Variants in DLGAP2 observed in about 807,000 individuals in gnomAD.
DLGAP2 encodes the protein DLG associated protein 2.
In DLGAP2, 26 loss-of-function variants were observed where a neutral mutation model predicts 100.3. The observed-to-expected ratio is 0.26, with a 90% CI of 0.19 to 0.36. The LOEUF is 0.36. DLGAP2 is among the 10% of genes least tolerant of loss of function. The probability of loss-of-function intolerance (pLI) is 1.00; values close to 1 mark genes in which losing one functional copy is unlikely to be tolerated. For synonymous variants in DLGAP2, 886 were observed against 630.1 expected (o/e 1.41, Z -6.08); for missense variants, 1,858 against 1,453.2 (o/e 1.28, Z -4.53).
chr8:1,193,533 A>T (rs188567833), intron 2 of DLGAP2, among the ~76,000 whole-genome samples: 100 of 152,274 alleles, frequency 6.6e-4, no homozygotes, highest in Non-Finnish European at 8.8e-5. Flanking sequence ...TTCACGCTGA[A>T]ATCCACAGAT....
At chr8:1,390,082 T>A (rs1796313983) in intron 3 of DLGAP2, among the ~76,000 whole-genome samples, 1 of 151,982 alleles carries the variant, frequency 6.6e-6, no homozygotes, top group Non-Finnish European at 1.5e-5. Flanking sequence ...CATCCGTTGA[T>A]GGAGATCACA....
intron 4 of DLGAP2, among the ~76,000 whole-genome samples, chr8:1,536,093 G>A (rs1260657628): frequency 6.6e-6 from 1 of 152,212 alleles, no homozygotes. Context: ...AGTCAACTCG[G>A]TGTAGCAGGA....
chr8:1,449,109 T>G (rs1298443103), intron 3 of DLGAP2, among the ~76,000 whole-genome samples: 2 of 152,146 alleles, frequency 1.3e-5, no homozygotes, highest in Non-Finnish European at 2.9e-5. Context: ...CCCGGCCTAA[T>G]GATTATTAAT....
At chr8:1,253,680 C>A (rs558469025) in intron 2 of DLGAP2, among the ~76,000 whole-genome samples, 1 of 152,252 alleles carries the variant, frequency 6.6e-6, no homozygotes, top group East Asian at 1.9e-4. Flanking sequence ...TTCACGTACA[C>A]AAAACCATCA....
intron 3 of DLGAP2, chr8:1,297,212 G>C (rs1800201732): frequency 6.6e-6 from 1 of 152,212 alleles, no homozygotes; most frequent in African/African-American, 2.4e-5. Context: ...TCCAGGTAGT[G>C]AGTTATCCCC....
At chr8:868,952 T>C (rs1227612097) in intron 1 of DLGAP2, among the ~76,000 whole-genome samples, 1 of 152,222 alleles carries the variant, frequency 6.6e-6, no homozygotes, top group Non-Finnish European at 1.5e-5. Flanking sequence ...ATTTAAAAAC[T>C]GAAATTGCTG....
Position 1,267,596 on chromosome 8 carries a change from G to T in DLGAP2, c.106+8713G>T, listed in dbSNP as rs138027793. ...AATAAAATAAAATAAAATAAGATAA[G>T]ATAAGATAAGATAAGATAAGATAAG... On this transcript the variant is annotated intron_variant, in intron 3 of 14. Transcript: ENST00000637795. Among the ~76,000 whole-genome samples the T allele has an allele frequency of 2.0e-3, 205 of 102,608 alleles. 19 individuals are homozygous for T. The highest frequency in any genetic ancestry group is 7.4e-3 in the African/African-American group (193 of 26,154). The allele number at this position is 102,608 out of a possible 152,430, so 67.3% of individuals were successfully genotyped here. A position where few individuals can be genotyped will look rare whatever the true frequency, so the allele number is the denominator to read the frequency against.
At chr8:1,543,549 T>G (rs1256149053) in intron 4 of DLGAP2, among the ~76,000 whole-genome samples, 5 of 152,274 alleles carry the variant, frequency 3.3e-5, no homozygotes, top group African/African-American at 7.2e-5. Context: ...GTGTGCATCC[T>G]TGTGTGGGGC....
At chr8:1,510,225 C>T (rs1800111371) in intron 4 of DLGAP2, among the ~76,000 whole-genome samples, 2 of 152,222 alleles carry the variant, frequency 1.3e-5, no homozygotes, top group African/African-American at 4.8e-5. Context: ...AACAGGCTGG[C>T]TTTCCCTGGA....
chr8:1,245,932 G>A (rs60608888), intron 2 of DLGAP2, among the ~76,000 whole-genome samples: 19,570 of 152,062 alleles, frequency 0.13, 1,350 homozygotes, highest in South Asian at 0.16. Context: ...GGACAGAGGC[G>A]CCTCCTGTGC....
At chr8:857,357 C>G (rs1797298938) in intron 1 of DLGAP2, among the ~76,000 whole-genome samples, 1 of 152,194 alleles carries the variant, frequency 6.6e-6, no homozygotes, top group Non-Finnish European at 1.5e-5. Context: ...AAATGAACAG[C>G]TTCTGCTCTG....
chr8:929,046 C>A (rs1289979411), intron 2 of DLGAP2, among the ~76,000 whole-genome samples: 1 of 128,210 alleles, frequency 7.8e-6, no homozygotes, highest in Admixed American at 8.0e-5. Context: ...CTGCCATTCC[C>A]CCTGTAAACA....
At chr8:928,972 C>A (rs1181024085) in intron 2 of DLGAP2, among the ~76,000 whole-genome samples, 4 of 144,592 alleles carry the variant, frequency 2.8e-5, no homozygotes, top group South Asian at 2.3e-4. Context: ...AAGACCCCCC[C>A]CGCCATTCCC....
chr8:1,560,217 A>ACACAGTT (rs1012701695), intron 5 of DLGAP2, among the ~76,000 whole-genome samples: 1 of 152,212 alleles, frequency 6.6e-6, no homozygotes, highest in African/African-American at 2.4e-5. Flanking sequence ...TCTGCACATA[A>ACACAGTT]CACAGTTACA....
intron 12 of DLGAP2, among the ~76,000 whole-genome samples, chr8:1,683,285 T>C (rs1042604437): frequency 1.3e-5 from 2 of 151,302 alleles, no homozygotes; most frequent in Non-Finnish European, 3.0e-5. Context: ...TTGGTCAAGG[T>C]GGTGGATGGT....
At chr8:976,358 T>C (rs1337803604) in intron 2 of DLGAP2, among the ~76,000 whole-genome samples, 2 of 151,898 alleles carry the variant, frequency 1.3e-5, no homozygotes, top group South Asian at 2.1e-4. Context: ...AAGCGTGTAA[T>C]CCTAGCACTT....
chr8:1,554,125 TAAAAATACA>T (rs946978922), intron 5 of DLGAP2, among the ~76,000 whole-genome samples: 2 of 151,980 alleles, frequency 1.3e-5, no homozygotes, highest in Admixed American at 6.5e-5. Flanking sequence ...CTGTTTCTAC[TAAAAATACA>T]AAAACTAGCC....
At chr8:1,128,983 A>G (rs148678439) in intron 2 of DLGAP2, among the ~76,000 whole-genome samples, 1,745 of 152,330 alleles carry the variant, frequency 0.011, 15 homozygotes, top group Non-Finnish European at 0.014. Flanking sequence ...TCCCCACAGG[A>G]ACTTACAATT....
intron 3 of DLGAP2, among the ~76,000 whole-genome samples, chr8:1,322,412 G>T (rs142334450): frequency 6.6e-6 from 1 of 152,226 alleles, no homozygotes; most frequent in African/African-American, 2.4e-5. Flanking sequence ...CCCACCCGGC[G>T]TGCTGGATCC....
Sources: allele counts gnomAD v4.1 joint callset (sites outside exome capture counted in the v4.1 genomes callset), GRCh38; gene constraint gnomAD v4.1.1; transcripts MANE v1.5; gene names NCBI Gene and HGNC (gene_info 2026-07-23, HGNC 2026-07-21).